GPC5: variants seen among roughly 807,000 people sequenced by gnomAD.
The protein encoded by GPC5 is glypican-5.
Under a neutral mutation model 53.9 loss-of-function variants are expected in GPC5, and 47 were observed. That is an observed-to-expected ratio of 0.87 (90% CI 0.69 to 1.11). The LOEUF is 1.11. Among genes scored for constraint, GPC5 ranks in the 50% most tolerant of loss-of-function variants. The pLI, the probability that GPC5 is intolerant of heterozygous loss-of-function variation, is 0.00. For missense variants in GPC5, 748 were observed against 713.1 expected (o/e 1.05, Z -0.56); for synonymous variants, 286 against 263.3 (o/e 1.09, Z -0.84).
At chr13:92,363,244 A>G (rs1323698454) in intron 7 of GPC5, among the ~76,000 whole-genome samples, 2 of 151,650 alleles carry the variant, frequency 1.3e-5, no homozygotes, top group Non-Finnish European at 2.9e-5. Context: ...GCTAGAGTAA[A>G]AATCTTGTAA....
At chr13:91,474,632 C>A (rs1293578900) in intron 2 of GPC5, among the ~76,000 whole-genome samples, 1 of 151,960 alleles carries the variant, frequency 6.6e-6, no homozygotes, top group South Asian at 2.1e-4. Flanking sequence ...AATTAAATTG[C>A]CCATTTATAG....
intron 7 of GPC5, among the ~76,000 whole-genome samples, chr13:92,648,428 G>GT (rs397761569): frequency 6.6e-6 from 1 of 150,782 alleles, no homozygotes; most frequent in Non-Finnish European, 1.5e-5. Flanking sequence ...TCAATATTAG[G>GT]CATATTTTAT....
intron 7 of GPC5, among the ~76,000 whole-genome samples, chr13:92,262,872 T>G (rs2042776226): frequency 6.6e-6 from 1 of 152,220 alleles, no homozygotes; most frequent in Non-Finnish European, 1.5e-5. Context: ...TCTCATCATG[T>G]GCTTCATTAG....
chr13:92,646,481 T>C (rs970338569), intron 7 of GPC5, among the ~76,000 whole-genome samples: 7 of 152,116 alleles, frequency 4.6e-5, no homozygotes, highest in African/African-American at 1.7e-4. Flanking sequence ...TTTAAAATAG[T>C]GTTTTAATTA....
At chr13:91,717,409 G>A (rs1010210775) in intron 3 of GPC5, among the ~76,000 whole-genome samples, 1 of 152,238 alleles carries the variant, frequency 6.6e-6, no homozygotes, top group Non-Finnish European at 1.5e-5. Flanking sequence ...TTAGAGCTGA[G>A]AGAGTGTTGG....
chr13:92,218,948 C>T (rs2042429958), intron 7 of GPC5, among the ~76,000 whole-genome samples: 1 of 152,116 alleles, frequency 6.6e-6, no homozygotes. Flanking sequence ...CTTTGAAAAC[C>T]ACAATAAAAT....
At chr13:92,742,458 T>C (rs1012310583) in intron 7 of GPC5, among the ~76,000 whole-genome samples, 1 of 151,732 alleles carries the variant, frequency 6.6e-6, no homozygotes, top group African/African-American at 2.4e-5. Flanking sequence ...TAAATTTGAG[T>C]TCTTTGTAGA....
chr13:91,417,073 G>T (rs192963581), intron 1 of GPC5, among the ~76,000 whole-genome samples: 72 of 152,274 alleles, frequency 4.7e-4, no homozygotes, highest in African/African-American at 1.6e-3. Flanking sequence ...GGAGCAGAGG[G>T]GGGGAGTATT....
chr13:92,259,714 T>A (rs1182904075), intron 7 of GPC5, among the ~76,000 whole-genome samples: 2 of 152,206 alleles, frequency 1.3e-5, no homozygotes, highest in Non-Finnish European at 2.9e-5. Flanking sequence ...AGCTGAGTTT[T>A]GCTCTTAGGA....
intron 7 of GPC5, among the ~76,000 whole-genome samples, chr13:92,183,195 A>G (rs546179745): frequency 1.4e-4 from 22 of 152,276 alleles, no homozygotes; most frequent in African/African-American, 5.3e-4. Context: ...TTAGATAATA[A>G]ACAGTATTTT....
chr13:92,415,676 T>A (rs1158422926), intron 7 of GPC5, among the ~76,000 whole-genome samples: 3 of 143,484 alleles, frequency 2.1e-5, no homozygotes, highest in Admixed American at 7.0e-5. Context: ...CAGCTGGAGG[T>A]AAAAAAAAAA....
At chr13:91,561,616 A>G (rs1489890808) in intron 2 of GPC5, among the ~76,000 whole-genome samples, 2 of 151,424 alleles carry the variant, frequency 1.3e-5, no homozygotes, top group African/African-American at 2.4e-5. Context: ...CTATATAGCT[A>G]TGAGCCTGGC....
intron 1 of GPC5, among the ~76,000 whole-genome samples, chr13:91,437,983 C>A (rs929486446): frequency 6.6e-6 from 1 of 152,136 alleles, no homozygotes; most frequent in Admixed American, 6.5e-5. Flanking sequence ...GCATTTGTCA[C>A]GTAGTTCTCG....
chr13:91,468,696 G>A (rs1406461164), intron 2 of GPC5, among the ~76,000 whole-genome samples: 2 of 152,070 alleles, frequency 1.3e-5, no homozygotes, highest in African/African-American at 4.8e-5. Flanking sequence ...AAGCCCCTTA[G>A]GTTGTAGGGC....
At chr13:92,405,876 G>A (rs953377080) in intron 7 of GPC5, among the ~76,000 whole-genome samples, 1 of 152,130 alleles carries the variant, frequency 6.6e-6, no homozygotes, top group African/African-American at 2.4e-5. Flanking sequence ...GAAAATTTCT[G>A]GTGTTTTAGA....
At chr13:92,634,258 C>A (rs1206439152) in intron 7 of GPC5, among the ~76,000 whole-genome samples, 2 of 151,998 alleles carry the variant, frequency 1.3e-5, no homozygotes, top group Non-Finnish European at 2.9e-5. Flanking sequence ...CCTTTCTCTG[C>A]AAATGTTCTG....
intron 6 of GPC5, among the ~76,000 whole-genome samples, chr13:91,920,093 G>T (rs2039696685): frequency 6.6e-6 from 1 of 152,010 alleles, no homozygotes; most frequent in South Asian, 2.1e-4. Context: ...CACATTAAAG[G>T]ACAATATGAA....
intron 7 of GPC5, among the ~76,000 whole-genome samples, chr13:92,816,092 A>G (rs558163189): frequency 1.3e-5 from 2 of 152,128 alleles, no homozygotes; most frequent in East Asian, 3.9e-4. Flanking sequence ...CAAGTCATTA[A>G]TGAAAGTTGA....
chr13:91,694,045 T>G (rs745867100), intron 3 of GPC5, among the ~76,000 whole-genome samples, 164 bp downstream of exon 3: 4 of 152,154 alleles, frequency 2.6e-5, no homozygotes, highest in Non-Finnish European at 5.9e-5. Context: ...AATACCACAT[T>G]CTCTCCTAAG....
Sources: gnomAD v4.1 joint callset for allele counts (sites outside exome capture counted in the v4.1 genomes callset) on GRCh38, gnomAD v4.1.1 for gene constraint, MANE v1.5 for transcripts, NCBI Gene and HGNC (gene_info 2026-07-23, HGNC 2026-07-21) for gene names.